RPTOR: variants seen among roughly 807,000 people sequenced by gnomAD.
RPTOR encodes the protein regulatory-associated protein of mTOR.
Under a neutral mutation model 169.9 loss-of-function variants are expected in RPTOR, and 21 were observed. The observed-to-expected ratio is 0.12, with a 90% CI of 0.09 to 0.18. The LOEUF (loss-of-function observed/expected upper bound fraction) is 0.18. Ranked by LOEUF, RPTOR falls within the 10% of genes least tolerant of loss-of-function variation. RPTOR has a pLI of 1.00. For synonymous variants in RPTOR, 732 were observed against 753.2 expected (o/e 0.97, Z 0.46); for missense variants, 1,133 against 1,855.9 (o/e 0.61, Z 7.16).
At chr17:80,812,714 A>G (rs1255722402) in intron 7 of RPTOR, among the ~76,000 whole-genome samples, 2 of 152,228 alleles carry the variant, frequency 1.3e-5, no homozygotes. Context: ...TTGCTTCTAA[A>G]ATATTCCCGA....
At chr17:80,698,713 T>C (rs1172119166) in intron 3 of RPTOR, among the ~76,000 whole-genome samples, 2 of 152,242 alleles carry the variant, frequency 1.3e-5, no homozygotes, top group Admixed American at 6.5e-5. Context: ...ACAAAGGAAA[T>C]GTCTTTTATT....
Position 80,923,693 on chromosome 17 carries a change from T to C in RPTOR, c.2808+20T>C. 6.4e-7 allele frequency: 1 copy of C among 1,559,264 alleles called. No homozygotes were observed. ...GAGCAGGTACGGGAGCCCGGCTGCC[T>C]GGTGATCTGGACACTGAGAGCGTTG... is the stretch of plus-strand genomic sequence containing the variant. On this transcript the variant is annotated intron_variant, in intron 23 of 33. Transcript: ENST00000306801.
chr17:80,730,974 A>G lies in RPTOR; in HGVS notation c.654+268A>G, dbSNP rs1291913902. 6.6e-6 allele frequency among the ~76,000 whole-genome samples: 1 copy of G among 152,174 alleles called. No homozygotes were observed. Among genetic ancestry groups the G allele is most frequent in the African/African-American group, 2.4e-5 (1 of 41,448 alleles). ...CTGCAATGTCTGTCACCTGAGCCCA[A>G]GCAATCTTCCCTTCTCAGCCTCCTG... On this transcript the variant is annotated intron_variant, in intron 5 of 33. Transcript: ENST00000306801. This position sits in a 1 kb window ranked among gnomAD's most constrained non-coding sequence, Gnocchi z 4.2.
At chr17:80,816,863 C>T (rs1024706202) in intron 7 of RPTOR, among the ~76,000 whole-genome samples, 1 of 152,182 alleles carries the variant, frequency 6.6e-6, no homozygotes, top group Non-Finnish European at 1.5e-5. Context: ...GCGGCCACTG[C>T]ATGTTGAGCC....
At chr17:80,615,633 A>C (rs1303443290) in intron 1 of RPTOR, among the ~76,000 whole-genome samples, 7 of 152,110 alleles carry the variant, frequency 4.6e-5, no homozygotes, top group African/African-American at 1.7e-4. Context: ...TTAGCAGCAC[A>C]TGCTGTTACC....
In RPTOR at chr17:80,620,586, G is replaced by A. The variant is rs181448119; in HGVS notation, c.163-5105G>A. 2.4e-3 allele frequency among the ~76,000 whole-genome samples: 372 copies of A among 152,248 alleles called. 5 individuals are homozygous for A. Among genetic ancestry groups the A allele is most frequent in the South Asian group, 0.02 (98 of 4,818 alleles). ...TCAAGACCAGCCTGGCCAACATGGC[G>A]AAACCCCATCTCTACTAAAAATACA... On this transcript the variant is annotated intron_variant, in intron 1 of 33. Transcript: ENST00000306801.
intron 1 of RPTOR, among the ~76,000 whole-genome samples, chr17:80,615,647 T>G (rs1394472471): frequency 6.6e-6 from 1 of 152,130 alleles, no homozygotes; most frequent in Non-Finnish European, 1.5e-5. Flanking sequence ...TGTTACCTAT[T>G]CTCTTTGAAA....
At chr17:80,858,311 G>T (rs2067878595) in intron 13 of RPTOR, among the ~76,000 whole-genome samples, 1 of 152,194 alleles carries the variant, frequency 6.6e-6, no homozygotes, top group African/African-American at 2.4e-5. Flanking sequence ...TGGCTCTCCT[G>T]TGCCCACCAT....
intron 5 of RPTOR, among the ~76,000 whole-genome samples, chr17:80,739,562 G>C (rs1289099997): frequency 1.3e-5 from 2 of 152,074 alleles, no homozygotes; most frequent in African/African-American, 4.8e-5. Flanking sequence ...CATCAAGGTC[G>C]GTCACATCCT....
At position 80,964,576 on chromosome 17, in the gene RPTOR, T is replaced by G; in HGVS notation, c.*246T>G. The G allele has an allele frequency of 1.8e-6, 1 of 569,642 alleles. No individual in the cohort carries two copies. Among genetic ancestry groups the G allele is most frequent in the Non-Finnish European group, 3.2e-6 (1 of 317,250 alleles). 35.3% of individuals were successfully genotyped at this position (569,642 alleles called of 1,614,324 possible). On this transcript the variant is annotated 3_prime_UTR_variant, in exon 34 of 34. Transcript: ENST00000306801. ...TTCCCACTGAGCACCAGCATCCAGG[T>G]GCACCCCCGCGGCCACGGCGCCTCT...
chr17:80,951,306 C>T (rs558591765), intron 28 of RPTOR, among the ~76,000 whole-genome samples: 23 of 152,340 alleles, frequency 1.5e-4, no homozygotes, highest in African/African-American at 5.3e-4. Flanking sequence ...TCAGTCTCTC[C>T]GGGTCAGGAT....
chr17:80,947,060 T>C lies in RPTOR; in HGVS notation c.3141-167T>C, dbSNP rs973594637. On this transcript the variant is annotated intron_variant, in intron 26 of 33. Transcript: ENST00000306801. The surrounding 1 kb of genome is among the most constrained non-coding windows in gnomAD (Gnocchi z 4.4). Reference sequence around the variant, plus strand: ...TTGAACTCCCAGGCTCCAACAGTCCTCCTGCTTCAGCCTCCCAAGTAGCTA... The same window carrying C: ...TTGAACTCCCAGGCTCCAACAGTCCCCCTGCTTCAGCCTCCCAAGTAGCTA... 1.3e-5 allele frequency among the ~76,000 whole-genome samples: 2 copies of C among 152,216 alleles called. No homozygotes were observed. Among genetic ancestry groups the C allele is most frequent in the Non-Finnish European group, 2.9e-5 (2 of 68,026 alleles).
intron 3 of RPTOR, among the ~76,000 whole-genome samples, chr17:80,645,245 A>C (rs1178495129): frequency 6.6e-6 from 1 of 152,176 alleles, no homozygotes; most frequent in Non-Finnish European, 1.5e-5. Context: ...ATTAGAAGAC[A>C]TGGCCGTGTT....
At chr17:80,930,366 T>TCAGCTCATCCC (rs2068873718) in intron 24 of RPTOR, among the ~76,000 whole-genome samples, 2 of 13,676 alleles carry the variant, frequency 1.5e-4, no homozygotes, top group Admixed American at 9.4e-4. Flanking sequence ...CAGCTCATCC[T>TCAGCTCATCCC]CAGCTCATCC....
intron 31 of RPTOR, chr17:80,961,696 C>A (rs73359525): frequency 1.8e-6 from 1 of 561,240 alleles, no homozygotes; most frequent in South Asian, 2.4e-5. Flanking sequence ...GACCTGCAGG[C>A]GCTTTGGGAA....
Position 80,923,594 on chromosome 17 carries a change from G to A in RPTOR, c.2729G>A (p.Gly910Asp), listed in dbSNP as rs2143981432. The A allele has an allele frequency of 6.2e-7, 1 of 1,613,290 alleles. No individual in the cohort carries two copies. Among genetic ancestry groups the A allele is most frequent in the Non-Finnish European group, 8.5e-7 (1 of 1,179,936 alleles). ...CCTTCTGGCCGGCCGGGCACCACAG[G>A]CCCCGCTGGGGCGCAGTACACCCCT... ...DLPSGRPGTT[G>D]PAGAQYTPHS... is the part of the protein sequence containing the mutation. Residue 910 changes from glycine (G) to aspartate (D), a missense_variant, in exon 23 of 34, where the codon GGC becomes GAC. By Grantham distance (94) the Gly-to-Asp change is moderately conservative. Around this residue, in one of 9 missense-constraint regions of RPTOR, gnomAD observed 410 missense variants for 623.7 expected, o/e 0.66. Coordinates refer to ENST00000306801, the MANE Select transcript of RPTOR (RefSeq NM_020761.3).
intron 1 of RPTOR, among the ~76,000 whole-genome samples, chr17:80,623,470 T>C (rs2065370295): frequency 6.6e-6 from 1 of 152,222 alleles, no homozygotes; most frequent in Non-Finnish European, 1.5e-5. Context: ...GATAATTTTT[T>C]ACATTCATAT....
At chr17:80,828,420 G>A (rs2067468382) in intron 9 of RPTOR, among the ~76,000 whole-genome samples, 1 of 152,222 alleles carries the variant, frequency 6.6e-6, no homozygotes, top group African/African-American at 2.4e-5. Flanking sequence ...AGAAGCTGCT[G>A]GGGAGTCAGC....
At chr17:80,863,622 A>C (rs1015923301) in intron 13 of RPTOR, among the ~76,000 whole-genome samples, 3 of 152,244 alleles carry the variant, frequency 2.0e-5, no homozygotes, top group Non-Finnish European at 4.4e-5. Flanking sequence ...ATTGCAGGAG[A>C]AAACAGTACA....
Sources: allele counts gnomAD v4.1 joint callset (sites outside exome capture counted in the v4.1 genomes callset), GRCh38; gene constraint gnomAD v4.1.1; regional missense constraint gnomAD v4.1.1; non-coding constraint Gnocchi (gnomAD v3.1); transcripts MANE v1.5; gene names NCBI Gene and HGNC (gene_info 2026-07-23, HGNC 2026-07-21).